Variants in TSTD1 observed in about 807,000 individuals in gnomAD.
The protein encoded by TSTD1 is thiosulfate:glutathione sulfurtransferase.
A neutral mutation model predicts 12.6 loss-of-function variants in TSTD1; 7 were observed. That is an observed-to-expected ratio of 0.55 (90% CI 0.32 to 1.04). The LOEUF (loss-of-function observed/expected upper bound fraction) is 1.04. TSTD1 is among the 50% of genes least tolerant of loss of function. The pLI, the probability that TSTD1 is intolerant of heterozygous loss-of-function variation, is 0.05. For synonymous variants in TSTD1, 73 were observed against 59.7 expected (o/e 1.22, Z -1.03); for missense variants, 156 against 151.0 (o/e 1.03, Z -0.17).
chr1:161,038,046 C>G lies in TSTD1; in HGVS notation c.163G>C (p.Glu55Gln). The G allele has an allele frequency of 6.4e-7, 1 of 1,551,638 alleles. No individual in the cohort carries two copies. The highest frequency in any genetic ancestry group is 8.7e-7 in the Non-Finnish European group (1 of 1,147,016). Residue 55 changes from glutamate (E) to glutamine (Q), a missense_variant, in exon 3 of 4, where the codon GAG becomes CAG. Transcript: ENST00000423014. ...TATAAAGCCTGGAAGGCAGCTGGCT[C>G]CATCTGCAGAGCACTCTCCAACTCG... is the stretch of plus-strand genomic sequence containing the variant. ...VSELESALQM[E>Q]PAAFQALYSA...
chr1:161,037,636 T>C lies in TSTD1; in HGVS notation c.*139A>G. ...ACATTAAGTGCTTCCAATACTTTGA[T>C]TAAATGTTCTTTATTTGATGCTTTT... On this transcript the variant is annotated 3_prime_UTR_variant, in exon 4 of 4. Coordinates refer to ENST00000423014, the MANE Select transcript of TSTD1 (RefSeq NM_001113207.2). The C allele has an allele frequency of 4.3e-6, 4 of 937,094 alleles. No homozygotes were observed. The highest frequency in any genetic ancestry group is 6.4e-6 in the Non-Finnish European group (4 of 621,750). The allele number at this position is 937,094 out of a possible 1,614,324, so 58.0% of individuals were successfully genotyped here. A position where few individuals can be genotyped will look rare whatever the true frequency, so the allele number is the denominator to read the frequency against.
In TSTD1 at chr1:161,037,973, C is replaced by G; in HGVS notation, c.236G>C (p.Cys79Ser). Residue 79 changes from cysteine to serine, a missense_variant, in exon 3 of 4, where the codon TGT becomes TCT. By Grantham distance (112) the Cys-to-Ser change is moderately radical (BLOSUM62 -1). Transcript: ENST00000423014. ...CTGGAGGCCCCGCTTGCCCATCTGA[C>G]AGAAGAAAACGAGATGCTCATCTTC... ...KLEDEHLVFF[C>S]QMGKRGLQAT... 1 of 1,551,802 alleles carries G rather than the reference C, an allele frequency of 6.4e-7. No individual in the cohort carries two copies. Among genetic ancestry groups the G allele is most frequent in the Non-Finnish European group, 8.7e-7 (1 of 1,147,020 alleles).
At position 161,038,554 on chromosome 1, in the gene TSTD1, G is replaced by C; in HGVS notation, c.130C>G (p.Pro44Ala). The change falls in exon 2 of 4, where the codon CCG becomes GCG. Residue 44 changes from proline (P) to alanine (A), a missense_variant. Transcript: ENST00000423014. ...GCGTCCCCTCTCCACCCTATACCCGGGATGTTGAGCGCCCCTGGGATGGTC... is the reference window on the plus strand; with the variant it reads ...GCGTCCCCTCTCCACCCTATACCCGCGATGTTGAGCGCCCCTGGGATGGTC... ...AGTIPGALNI[P>A]VSELESALQM... 6.5e-7 allele frequency: 1 copy of C among 1,541,330 alleles called. No homozygotes were observed. The highest frequency in any genetic ancestry group is 1.2e-5 in the South Asian group (1 of 83,708).
chr1:161,038,016 C>T lies in TSTD1; in HGVS notation c.193G>A (p.Ala65Thr). The change falls in exon 3 of 4, where the codon GCT (alanine) becomes ACT (threonine). Residue 65 changes from alanine to threonine, a missense_variant. Coordinates refer to ENST00000423014, the MANE Select transcript of TSTD1 (RefSeq NM_001113207.2). ...TCATCTTCCAGCTTTGGCTTCTCAG[C>T]AGAATATAAAGCCTGGAAGGCAGCT... ...EPAAFQALYS[A>T]EKPKLEDEHL... 1.3e-6 allele frequency: 2 copies of T among 1,551,696 alleles called. No individual in the cohort carries two copies. Among genetic ancestry groups the T allele is most frequent in the Non-Finnish European group, 1.7e-6 (2 of 1,147,008 alleles).
Position 161,038,021 on chromosome 1 carries a change from T to A in TSTD1, c.188A>T (p.Tyr63Phe). The A allele has an allele frequency of 6.4e-7, 1 of 1,551,670 alleles. No individual in the cohort carries two copies. ...QMEPAAFQAL[Y>F]SAEKPKLEDE... ...TTCCAGCTTTGGCTTCTCAGCAGAATATAAAGCCTGGAAGGCAGCTGGCTC... is the reference window on the plus strand; with the variant it reads ...TTCCAGCTTTGGCTTCTCAGCAGAAAATAAAGCCTGGAAGGCAGCTGGCTC... Residue 63 changes from tyrosine to phenylalanine, a missense_variant, in exon 3 of 4, where the codon TAT becomes TTT. Transcript: ENST00000423014.
Position 161,038,042 on chromosome 1 carries a change from G to A in TSTD1, c.167C>T (p.Pro56Leu). The part of the protein sequence containing the change: ...SELESALQME[P>L]AAFQALYSAE... ...AGAATATAAAGCCTGGAAGGCAGCTGGCTCCATCTGCAGAGCACTCTCCAA... is the reference window on the plus strand; with the variant it reads ...AGAATATAAAGCCTGGAAGGCAGCTAGCTCCATCTGCAGAGCACTCTCCAA... Residue 56 changes from proline (P) to leucine (L), a missense_variant, in exon 3 of 4, where the codon CCA becomes CTA. Transcript: ENST00000423014. 6.4e-7 allele frequency: 1 copy of A among 1,551,676 alleles called. No homozygotes were observed. The highest frequency in any genetic ancestry group is 8.7e-7 in the Non-Finnish European group (1 of 1,147,026).
chr1:161,038,509 G>A, intron 2 of TSTD1, 42 bp downstream of exon 2: 1 of 1,503,032 alleles, frequency 6.7e-7, no homozygotes, highest in Non-Finnish European at 9.0e-7. Context: ...CTCCTGAACG[G>A]TCTCTATTCC....
rs769847995 is a variant in TSTD1, at chr1:161,037,860, G to C, written c.297-34C>G. 7.1e-6 allele frequency: 11 copies of C among 1,551,792 alleles called. No individual in the cohort carries two copies. The South Asian group carries it at 9.5e-5, about 13-fold the overall frequency. The stretch of plus-strand genomic sequence containing the variant: ...ACAAAGAAGCGTGAGAGACTGACAG[G>C]AATGACAGGCAGTCCCCATCACCTC... On this transcript the variant is annotated intron_variant, in intron 3 of 3. Transcript: ENST00000423014.
Position 161,038,570 on chromosome 1 carries a change from T to G in TSTD1, c.114A>C (p.Pro38=). The change falls in exon 2 of 4, where the codon CCA becomes CCC. Residue 38 remains proline (P), a synonymous_variant. Coordinates refer to ENST00000423014, the MANE Select transcript of TSTD1 (RefSeq NM_001113207.2). ...SREEAAAGTI[P]GALNIPVSEL... ...CTATACCCGGGATGTTGAGCGCCCC[T>G]GGGATGGTCCCAGCTGCCGCCTCCT... The G allele has an allele frequency of 6.5e-7, 1 of 1,549,376 alleles. No homozygotes were observed. Among genetic ancestry groups the G allele is most frequent in the Non-Finnish European group, 8.7e-7 (1 of 1,145,228 alleles).
chr1:161,038,073 A>G lies in TSTD1; in HGVS notation c.136T>C (p.Ser46Pro). ...TIPGALNIPVSELESALQMEP... is the reference protein window; with the variant it reads ...TIPGALNIPVPELESALQMEP... The stretch of plus-strand genomic sequence containing the variant: ...ATCTGCAGAGCACTCTCCAACTCGG[A>G]CACTGGAGGAGTGGAGAGGGTAGAA... The change falls in exon 3 of 4, where the codon TCC becomes CCC. Residue 46 changes from serine (S) to proline (P), a missense_variant and splice_region_variant. By Grantham distance (74) the Ser-to-Pro change is moderately conservative. Transcript: ENST00000423014. 6.4e-7 allele frequency: 1 copy of G among 1,551,422 alleles called. No individual in the cohort carries two copies. Among genetic ancestry groups the G allele is most frequent in the Non-Finnish European group, 8.7e-7 (1 of 1,146,960 alleles).
Position 161,037,683 on chromosome 1 carries a change from G to T in TSTD1, c.*92C>A. 1 of 1,335,920 alleles carries T rather than the reference G, an allele frequency of 7.5e-7. No individual in the cohort carries two copies. Among genetic ancestry groups the T allele is most frequent in the East Asian group, 2.5e-5 (1 of 39,902 alleles). 82.8% of individuals were successfully genotyped at this position (1,335,920 alleles called of 1,614,324 possible). On this transcript the variant is annotated 3_prime_UTR_variant, in exon 4 of 4. Transcript: ENST00000423014. Reference sequence around the variant, plus strand: ...TTTTGTGTGCACAACACTATAAGGAGTTGCCCAATTCACCAAGTCAGCCCG... The same window carrying T: ...TTTTGTGTGCACAACACTATAAGGATTTGCCCAATTCACCAAGTCAGCCCG...
Position 161,038,603 on chromosome 1 carries a change from G to C in TSTD1, c.81C>G (p.Arg27=). 6.4e-7 allele frequency: 1 copy of C among 1,550,472 alleles called. No homozygotes were observed. The highest frequency in any genetic ancestry group is 8.7e-7 in the Non-Finnish European group (1 of 1,146,016). The change falls in exon 2 of 4, where the codon CGC becomes CGG. Residue 27 remains arginine (R), a synonymous_variant. Coordinates refer to ENST00000423014, the MANE Select transcript of TSTD1 (RefSeq NM_001113207.2). The stretch of plus-strand genomic sequence containing the variant: ...TCCCAGCTGCCGCCTCCTCGCGAGA[G>C]CGCACGTCGAAGAGCCGGGCCCGTC... ...ASGRARLFDV[R]SREEAAAGTI...
Position 161,037,676 on chromosome 1 carries a change from A to G in TSTD1, c.*99T>C, listed in dbSNP as rs1417398441. The G allele has an allele frequency of 4.0e-6, 5 of 1,260,200 alleles. No homozygotes were observed. The African/African-American group carries it at 6.0e-5, about 15-fold the overall frequency. 78.1% of individuals were successfully genotyped at this position (1,260,200 alleles called of 1,614,324 possible). On this transcript the variant is annotated 3_prime_UTR_variant, in exon 4 of 4. Coordinates refer to ENST00000423014, the MANE Select transcript of TSTD1 (RefSeq NM_001113207.2). ...TTGATGCTTTTGTGTGCACAACACT[A>G]TAAGGAGTTGCCCAATTCACCAAGT...
At chr1:161,038,098 A>C in intron 2 of TSTD1, 23 bp from the exon 3 acceptor site, 1 of 1,544,192 alleles carries the variant, frequency 6.5e-7, no homozygotes, top group Non-Finnish European at 8.8e-7. Context: ...AGAGGGTAGA[A>C]GGGAAAGCCA....
chr1:161,038,802 C>T, intron 1 of TSTD1, 78 bp downstream of exon 1: 2 of 1,525,032 alleles, frequency 1.3e-6, no homozygotes, highest in African/African-American at 1.4e-5. Context: ...CGCCCCTTCG[C>T]TCCGCCACCC....
At position 161,038,198 on chromosome 1, in the gene TSTD1, C is replaced by A. The variant is rs937444426; in HGVS notation, c.134-123G>T. 5.3e-6 allele frequency: 5 copies of A among 947,172 alleles called. No individual in the cohort carries two copies. In the East Asian group the frequency reaches 1.3e-4, roughly 25 times the overall value. 58.7% of individuals were successfully genotyped at this position (947,172 alleles called of 1,614,324 possible). On this transcript the variant is annotated intron_variant, in intron 2 of 3. Coordinates refer to ENST00000423014, the MANE Select transcript of TSTD1 (RefSeq NM_001113207.2). The stretch of plus-strand genomic sequence containing the variant: ...ACATATGATAACCATCCCCTACCCC[C>A]ACCCCAATTTCAAGGAACAGAAACC...
In TSTD1 at chr1:161,038,588, C is replaced by T. The variant is rs549749494; in HGVS notation, c.96G>A (p.Ala32=). 5.2e-6 allele frequency: 8 copies of T among 1,549,924 alleles called. No individual in the cohort carries two copies. The East Asian group carries it at 7.3e-5, about 14-fold the overall frequency. ...RLFDVRSREE[A]AAGTIPGALN... ...GCGCCCCTGGGATGGTCCCAGCTGC[C>T]GCCTCCTCGCGAGAGCGCACGTCGA... is the stretch of plus-strand genomic sequence containing the variant. The change falls in exon 2 of 4, where the codon GCG becomes GCA. Residue 32 remains alanine, a synonymous_variant. Transcript: ENST00000423014.
rs1557902865 is a variant in TSTD1, at chr1:161,038,601, G to A, written c.83C>T (p.Ser28Phe). ...SGRARLFDVR[S>F]REEAAAGTIP... is the part of the protein sequence containing the mutation. ...GGTCCCAGCTGCCGCCTCCTCGCGA[G>A]AGCGCACGTCGAAGAGCCGGGCCCG... The change falls in exon 2 of 4, where the codon TCT (serine) becomes TTT (phenylalanine). Residue 28 changes from serine (S) to phenylalanine (F), a missense_variant. By Grantham distance (155) the Ser-to-Phe change is radical. Coordinates refer to ENST00000423014, the MANE Select transcript of TSTD1 (RefSeq NM_001113207.2). 6.5e-7 allele frequency: 1 copy of A among 1,550,370 alleles called. No individual in the cohort carries two copies. Among genetic ancestry groups the A allele is most frequent in the Admixed American group, 2.0e-5 (1 of 50,994 alleles).
chr1:161,038,706 G>C lies in TSTD1; in HGVS notation c.11-33C>G, dbSNP rs1187062332. 6.5e-6 allele frequency: 10 copies of C among 1,537,464 alleles called. No individual in the cohort carries two copies. In the East Asian group the frequency reaches 2.0e-4, roughly 30 times the overall value. Reference sequence around the variant, plus strand: ...AGGGGCGCGACAGCCTTCAGGAAGAGGGGGCCTAGGAGTCACGGCCGCCAT... The same window carrying C: ...AGGGGCGCGACAGCCTTCAGGAAGACGGGGCCTAGGAGTCACGGCCGCCAT... On this transcript the variant is annotated intron_variant, in intron 1 of 3. Coordinates refer to ENST00000423014, the MANE Select transcript of TSTD1 (RefSeq NM_001113207.2).
Sources: gnomAD v4.1 joint callset for allele counts on GRCh38, gnomAD v4.1.1 for gene constraint, MANE v1.5 for transcripts, NCBI Gene and HGNC (gene_info 2026-07-23, HGNC 2026-07-21) for gene names.